CDIN1: variants seen among roughly 807,000 people sequenced by gnomAD.
The protein encoded by CDIN1 is CDAN1-interacting nuclease 1.
Under a neutral mutation model 45.3 loss-of-function variants are expected in CDIN1, and 33 were observed. That is an observed-to-expected ratio of 0.73 (90% confidence interval 0.55 to 0.97). CDIN1 has a LOEUF of 0.97. CDIN1 is among the 50% of genes least tolerant of loss of function. The probability of loss-of-function intolerance (pLI) is 0.00; values close to 1 mark genes in which losing one functional copy is unlikely to be tolerated. For synonymous variants in CDIN1, 118 were observed against 124.4 expected (o/e 0.95, Z 0.34); for missense variants, 303 against 339.4 (o/e 0.89, Z 0.84).
At chr15:36,802,559 G>A (rs1050786122) in intron 10 of CDIN1, among the ~76,000 whole-genome samples, 5 of 152,084 alleles carry the variant, frequency 3.3e-5, no homozygotes, top group African/African-American at 1.2e-4. Flanking sequence ...TATAACAATA[G>A]GAAGTTAATA....
intron 10 of CDIN1, among the ~76,000 whole-genome samples, chr15:36,789,097 G>C (rs2141080773): frequency 6.6e-6 from 1 of 152,336 alleles, no homozygotes; most frequent in Non-Finnish European, 1.5e-5. Flanking sequence ...TTTTAAGAAA[G>C]TTTACGAATT....
At chr15:36,649,364 T>C (rs1259590289) in intron 3 of CDIN1, among the ~76,000 whole-genome samples, 4 of 152,212 alleles carry the variant, frequency 2.6e-5, no homozygotes, top group Non-Finnish European at 5.9e-5. Context: ...TCATCCTTAA[T>C]ACTATATTAA....
At chr15:36,769,244 T>G (rs2054004530) in intron 10 of CDIN1, among the ~76,000 whole-genome samples, 1 of 152,188 alleles carries the variant, frequency 6.6e-6, no homozygotes. Flanking sequence ...GAGATTTATT[T>G]TAAGGAACTG....
intron 3 of CDIN1, among the ~76,000 whole-genome samples, chr15:36,646,968 T>C (rs952058484): frequency 1.3e-5 from 2 of 151,826 alleles, no homozygotes; most frequent in Admixed American, 1.3e-4. Context: ...TGTTGAAGTA[T>C]GAACATACTT....
intron 5 of CDIN1, among the ~76,000 whole-genome samples, chr15:36,658,787 A>AT (rs1189561003): frequency 6.6e-6 from 1 of 152,052 alleles, no homozygotes; most frequent in Admixed American, 6.6e-5. Flanking sequence ...TTGGATTTTT[A>AT]TTTTTTTATA....
intron 1 of CDIN1, among the ~76,000 whole-genome samples, chr15:36,586,501 C>T (rs1157044249): frequency 6.6e-6 from 1 of 152,162 alleles, no homozygotes; most frequent in Non-Finnish European, 1.5e-5. Flanking sequence ...TAGAGTTTTT[C>T]ACCACTTAAT....
At chr15:36,595,288 C>CA (rs1387813715) in intron 1 of CDIN1, among the ~76,000 whole-genome samples, 91 of 109,276 alleles carry the variant, frequency 8.3e-4, no homozygotes, top group South Asian at 1.6e-3. Flanking sequence ...AATACACTTA[C>CA]ATTATAATAT....
At chr15:36,690,296 T>C (rs1566902894) in intron 5 of CDIN1, among the ~76,000 whole-genome samples, 1 of 151,400 alleles carries the variant, frequency 6.6e-6, no homozygotes, top group Non-Finnish European at 1.5e-5. Context: ...TGAGACAGAG[T>C]CTCGCTCCGT....
chr15:36,589,705 C>T (rs1276534706), intron 1 of CDIN1, among the ~76,000 whole-genome samples: 5 of 152,188 alleles, frequency 3.3e-5, no homozygotes, highest in Admixed American at 6.5e-5. Context: ...GGGGTTTCAC[C>T]GTGTTAGCCA....
At chr15:36,614,719 T>C (rs188842866) in intron 1 of CDIN1, among the ~76,000 whole-genome samples, 8 of 152,314 alleles carry the variant, frequency 5.3e-5, no homozygotes, top group Non-Finnish European at 1.2e-4. Flanking sequence ...GTCTACAAAG[T>C]ACTAGCTAAA....
intron 3 of CDIN1, among the ~76,000 whole-genome samples, chr15:36,653,330 A>G (rs1305051658): frequency 1.3e-5 from 2 of 152,100 alleles, no homozygotes; most frequent in Non-Finnish European, 2.9e-5. Context: ...CTGGCAGAGT[A>G]GAGTAGGTAG....
chr15:36,785,782 T>C (rs1334897918), intron 10 of CDIN1, among the ~76,000 whole-genome samples: 1 of 152,206 alleles, frequency 6.6e-6, no homozygotes, highest in East Asian at 1.9e-4. Context: ...GAAGATTTAT[T>C]GTAACTGAGA....
At chr15:36,611,401 G>T (rs143712498) in intron 1 of CDIN1, among the ~76,000 whole-genome samples, 164 of 152,302 alleles carry the variant, frequency 1.1e-3, no homozygotes, top group Middle Eastern at 3.4e-3. Context: ...AATATTTGTT[G>T]AAATTCTGAA....
At chr15:36,641,557 A>ATAC (rs1433776569) in intron 1 of CDIN1, 1 of 152,260 alleles carries the variant, frequency 6.6e-6, no homozygotes, top group African/African-American at 2.4e-5. Context: ...TGGGGTTTTA[A>ATAC]TACTACATCC....
rs976355081 is a variant in CDIN1, at chr15:36,579,655, G to T, written c.-206G>T. 2 of 533,086 alleles carry T rather than the reference G, an allele frequency of 3.8e-6. No individual in the cohort carries two copies. Among genetic ancestry groups the T allele is most frequent in the Admixed American group, 7.0e-5 (2 of 28,648 alleles). The allele number at this position is 533,086 out of a possible 1,614,324, so 33.0% of individuals were successfully genotyped here. On this transcript the variant is annotated 5_prime_UTR_variant, in exon 1 of 11. Transcript: ENST00000566621. ...TGGTGTACAGCCAGTCCCCGCCGCG[G>T]AGGTGCCGGTGGAGCCTGGGACCGG...
chr15:36,640,808 C>G (rs1460316300), intron 1 of CDIN1: 1 of 262,624 alleles, frequency 3.8e-6, no homozygotes, highest in Non-Finnish European at 5.9e-6. Flanking sequence ...TACCGAGTAT[C>G]TTAGCTGGGT....
intron 1 of CDIN1, among the ~76,000 whole-genome samples, chr15:36,592,241 T>A (rs1595714193): frequency 6.6e-6 from 1 of 152,338 alleles, no homozygotes; most frequent in East Asian, 1.9e-4. Context: ...CTTTCCAGCT[T>A]GTGAGAGCTG....
At chr15:36,703,769 C>G (rs2042762184) in intron 8 of CDIN1, among the ~76,000 whole-genome samples, 2 of 152,072 alleles carry the variant, frequency 1.3e-5, no homozygotes, top group South Asian at 4.1e-4. Flanking sequence ...CTCAGAACTG[C>G]TAGTATGCCT....
intron 7 of CDIN1, among the ~76,000 whole-genome samples, chr15:36,693,463 G>A (rs2042318890): frequency 6.6e-6 from 1 of 152,166 alleles, no homozygotes. Flanking sequence ...CACTGAGAAA[G>A]TTTAGCACAT....
Sources: gnomAD v4.1 joint callset for allele counts (sites outside exome capture counted in the v4.1 genomes callset) on GRCh38, gnomAD v4.1.1 for gene constraint, MANE v1.5 for transcripts, NCBI Gene and HGNC (gene_info 2026-07-23, HGNC 2026-07-21) for gene names.